Variants in NDST1 observed in about 807,000 individuals in gnomAD.
NDST1 encodes the protein N-deacetylase and N-sulfotransferase 1, also known as bifunctional heparan sulfate N-deacetylase/N-sulfotransferase 1.
A neutral mutation model predicts 92.8 loss-of-function variants in NDST1; 35 were observed. That is an observed-to-expected ratio of 0.38 (90% CI 0.29 to 0.50). The LOEUF is 0.50. Ranked by LOEUF, NDST1 falls within the 20% of genes least tolerant of loss-of-function variation. NDST1 has a pLI of 0.94. For synonymous variants in NDST1, 493 were observed against 500.3 expected (o/e 0.99, Z 0.19); for missense variants, 822 against 1,182.7 (o/e 0.69, Z 4.47).
intron 10 of NDST1, among the ~76,000 whole-genome samples, 168 bp downstream of exon 10, chr5:150,543,139 G>A (rs1357102923): frequency 6.6e-6 from 1 of 152,220 alleles, no homozygotes; most frequent in Non-Finnish European, 1.5e-5. Context: ...TGACAGCGTT[G>A]TCATAGACAG....
At position 150,558,009 on chromosome 5, in the gene NDST1, A is replaced by T. The variant is rs2151310828; in HGVS notation, c.*4677A>T. ...CCTGGGAGAGGAGAGGGCCGACTGG[A>T]GAGGGTGGGGGGCACACTGGGGAAG... On this transcript the variant is annotated 3_prime_UTR_variant, in exon 15 of 15. Transcript: ENST00000261797. 8.5e-6 allele frequency: 1 copy of T among 118,192 alleles called. No individual in the cohort carries two copies. The highest frequency in any genetic ancestry group is 2.8e-4 in the East Asian group (1 of 3,556). The allele number at this position is 118,192 out of a possible 1,614,324, so 7.3% of individuals were successfully genotyped here. A position where few individuals can be genotyped will look rare whatever the true frequency, so the allele number is the denominator to read the frequency against.
At chr5:150,539,203 C>T (rs776220373) in intron 6 of NDST1, 25 bp from the exon 7 acceptor site, 2 of 1,590,674 alleles carry the variant, frequency 1.3e-6, no homozygotes, top group South Asian at 1.1e-5. Flanking sequence ...GGCACCATAG[C>T]TCCTCTCCCC....
chr5:150,553,358 C>G lies in NDST1; in HGVS notation c.*26C>G, dbSNP rs776074315. 2 of 1,609,906 alleles carry G rather than the reference C, an allele frequency of 1.2e-6. No homozygotes were observed. The highest frequency in any genetic ancestry group is 1.7e-6 in the Non-Finnish European group (2 of 1,177,146). On this transcript the variant is annotated 3_prime_UTR_variant, in exon 15 of 15. Coordinates refer to ENST00000261797, the MANE Select transcript of NDST1 (RefSeq NM_001543.5). The surrounding 1 kb of genome is among the most constrained non-coding windows in gnomAD (Gnocchi z 4.2). ...CCGTGGCCACCACAGCCAGACTGAA[C>G]GTTTGTGAAAGCTGGGACATCCCAC...
At chr5:150,531,945 A>G (rs1009706003) in intron 3 of NDST1, among the ~76,000 whole-genome samples, 2 of 152,250 alleles carry the variant, frequency 1.3e-5, no homozygotes, top group African/African-American at 2.4e-5. Context: ...ATTGCTGGGC[A>G]CACAGTGTCC....
chr5:150,531,500 C>CTTTTTTTT lies in NDST1; in HGVS notation c.1009-1435_1009-1428dup, dbSNP rs35747232. Reference sequence around the variant, plus strand: ...ACAGGTTTCTTTTTTCTTTTTCTCTCTTTTTTTTTTTTTTTTTGAGATGGA... The same window carrying CTTTTTTTT: ...ACAGGTTTCTTTTTTCTTTTTCTCTCTTTTTTTTTTTTTTTTTTTTTTTTTGAGATGGA... On this transcript the variant is annotated intron_variant, in intron 3 of 14. Transcript: ENST00000261797. Among the ~76,000 whole-genome samples the CTTTTTTTT allele has an allele frequency of 2.9e-4, 38 of 131,124 alleles. No individual in the cohort carries two copies. The East Asian group carries it at 4.0e-3, about 14-fold the overall frequency. 86.0% of individuals were successfully genotyped at this position (131,124 alleles called of 152,430 possible). A position where few individuals can be genotyped will look rare whatever the true frequency, so the allele number is the denominator to read the frequency against.
chr5:150,528,353 C>T, intron 3 of NDST1, 55 bp downstream of exon 3: 1 of 1,538,278 alleles, frequency 6.5e-7, no homozygotes, highest in Non-Finnish European at 8.8e-7. Flanking sequence ...CAAGCTTCAG[C>T]CTTCAGGTGC....
chr5:150,535,645 G>A, intron 5 of NDST1, 55 bp from the exon 6 acceptor site: 1 of 1,597,296 alleles, frequency 6.3e-7, no homozygotes, highest in Non-Finnish European at 8.6e-7. Flanking sequence ...GGGGGGATAA[G>A]GCCCAAAGGG....
chr5:150,527,136 G>A (rs1754510551), intron 2 of NDST1, among the ~76,000 whole-genome samples: 1 of 152,244 alleles, frequency 6.6e-6, no homozygotes, highest in African/African-American at 2.4e-5. Context: ...ACGCCTAATG[G>A]TTAGGTGTGT....
rs1754548977 is a variant in NDST1, at chr5:150,528,035, A to G, written c.745A>G (p.Ile249Val). ...LLAKTRSSES[I>V]PHLGADAGLH... The stretch of plus-strand genomic sequence containing the variant: ...GGCCAAGACGCGCTCGTCTGAGTCC[A>G]TCCCACACCTGGGCGCAGACGCCGG... The change falls in exon 3 of 15, where the codon ATC (isoleucine) becomes GTC (valine). Residue 249 changes from isoleucine to valine, a missense_variant. Transcript: ENST00000261797. 6 of 1,613,586 alleles carry G rather than the reference A, an allele frequency of 3.7e-6. No individual in the cohort carries two copies. Among genetic ancestry groups the G allele is most frequent in the East Asian group, 2.2e-5 (1 of 44,906 alleles).
intron 10 of NDST1, among the ~76,000 whole-genome samples, chr5:150,543,560 C>A (rs1755342479): frequency 6.6e-6 from 1 of 152,240 alleles, no homozygotes; most frequent in African/African-American, 2.4e-5. Flanking sequence ...CTCTATTTGC[C>A]TTTTTTCTTT....
chr5:150,540,054 G>A, intron 7 of NDST1, 28 bp from the exon 8 acceptor site: 1 of 1,613,806 alleles, frequency 6.2e-7, no homozygotes, highest in Non-Finnish European at 8.5e-7. Context: ...GATGGGCCCT[G>A]CCTCTCTCCT....
In NDST1 at chr5:150,539,368, A is replaced by G; in HGVS notation, c.1566+12A>G. ...TGCTCCTCAATCCTGTGAGTGCTCCACAGCCCATGGCTGCTGGTGAGAAGG... is the reference window on the plus strand; with the variant it reads ...TGCTCCTCAATCCTGTGAGTGCTCCGCAGCCCATGGCTGCTGGTGAGAAGG... On this transcript the variant is annotated intron_variant, in intron 7 of 14. Transcript: ENST00000261797. 6.2e-7 allele frequency: 1 copy of G among 1,613,900 alleles called. No homozygotes were observed. Among genetic ancestry groups the G allele is most frequent in the Non-Finnish European group, 8.5e-7 (1 of 1,179,942 alleles).
chr5:150,555,167 C>T lies in NDST1; in HGVS notation c.*1835C>T, dbSNP rs1402293039. ...ATGCCACACTGCCTCTGAGCCCATCCTTGGGACCCTACTCTGTGCCAGGTT... is the reference window on the plus strand; with the variant it reads ...ATGCCACACTGCCTCTGAGCCCATCTTTGGGACCCTACTCTGTGCCAGGTT... On this transcript the variant is annotated 3_prime_UTR_variant, in exon 15 of 15. Coordinates refer to ENST00000261797, the MANE Select transcript of NDST1 (RefSeq NM_001543.5). 1.3e-5 allele frequency: 2 copies of T among 152,916 alleles called. No homozygotes were observed. The highest frequency in any genetic ancestry group is 6.5e-5 in the Admixed American group (1 of 15,286). 9.5% of individuals were successfully genotyped at this position (152,916 alleles called of 1,614,324 possible). A position where few individuals can be genotyped will look rare whatever the true frequency, so the allele number is the denominator to read the frequency against.
In NDST1 at chr5:150,555,777, T is replaced by A. The variant is rs1755856584; in HGVS notation, c.*2445T>A. The A allele has an allele frequency of 6.6e-6, 1 of 152,218 alleles. No individual in the cohort carries two copies. Among genetic ancestry groups the A allele is most frequent in the Non-Finnish European group, 1.5e-5 (1 of 68,054 alleles). 9.4% of individuals were successfully genotyped at this position (152,218 alleles called of 1,614,324 possible). A position where few individuals can be genotyped will look rare whatever the true frequency, so the allele number is the denominator to read the frequency against. On this transcript the variant is annotated 3_prime_UTR_variant, in exon 15 of 15. Coordinates refer to ENST00000261797, the MANE Select transcript of NDST1 (RefSeq NM_001543.5). Reference sequence around the variant, plus strand: ...AGGTGGGCTGGCCTAGGGCAGGAGCTCCACTTCTCTCTGCCTCTGGCTATG... The same window carrying A: ...AGGTGGGCTGGCCTAGGGCAGGAGCACCACTTCTCTCTGCCTCTGGCTATG...
upstream of NDST1, among the ~76,000 whole-genome samples, chr5:150,505,028 A>C (rs554671979): frequency 3.3e-5 from 5 of 152,358 alleles, no homozygotes; most frequent in South Asian, 1.0e-3. Flanking sequence ...GAAAGGGGGA[A>C]GAAATCCCTG....
In NDST1 at chr5:150,535,899, T is replaced by C. The variant is rs376536175; in HGVS notation, c.1437+14T>C. On this transcript the variant is annotated intron_variant, in intron 6 of 14. Coordinates refer to ENST00000261797, the MANE Select transcript of NDST1 (RefSeq NM_001543.5). ...AATGGCATCATGGTGAGTGGGCCCC[T>C]GGAAGCCCAGGAGGTGGGAGAATGG... 197 of 1,611,244 alleles carry C rather than the reference T, an allele frequency of 1.2e-4. 1 individual carries two copies. The African/African-American group carries it at 2.4e-3, about 20-fold the overall frequency.
Position 150,542,737 on chromosome 5 carries a change from A to G in NDST1, c.1847-111A>G, listed in dbSNP as rs1755300034. On this transcript the variant is annotated intron_variant, in intron 9 of 14. Transcript: ENST00000261797. ...AGAAGCTAAGACCAGAGAAAGGCAGAGACCTTCCCAGGAGCCCCCAGTGGG... is the reference window on the plus strand; with the variant it reads ...AGAAGCTAAGACCAGAGAAAGGCAGGGACCTTCCCAGGAGCCCCCAGTGGG... The G allele has an allele frequency of 2.9e-6, 4 of 1,392,580 alleles. No homozygotes were observed. The East Asian group carries it at 6.9e-5, about 24-fold the overall frequency. The allele number at this position is 1,392,580 out of a possible 1,614,324, so 86.3% of individuals were successfully genotyped here.
chr5:150,517,516 G>A (rs1754032783), intron 1 of NDST1, among the ~76,000 whole-genome samples: 1 of 151,986 alleles, frequency 6.6e-6, no homozygotes, highest in African/African-American at 2.4e-5. Flanking sequence ...GTTTACTTTC[G>A]GGTTCACCTC....
rs962087987 is a variant in NDST1, at chr5:150,556,515, T to A, written c.*3183T>A. ...TGGGAAAAGCAAATACAACAATGTT[T>A]TACCAAACATTTAATTATGAATGCC... On this transcript the variant is annotated 3_prime_UTR_variant, in exon 15 of 15. Coordinates refer to ENST00000261797, the MANE Select transcript of NDST1 (RefSeq NM_001543.5). The A allele has an allele frequency of 6.6e-6, 1 of 152,190 alleles. No homozygotes were observed. Among genetic ancestry groups the A allele is most frequent in the South Asian group, 2.1e-4 (1 of 4,824 alleles). 9.4% of individuals were successfully genotyped at this position (152,190 alleles called of 1,614,324 possible). A position where few individuals can be genotyped will look rare whatever the true frequency, so the allele number is the denominator to read the frequency against.
Sources: gnomAD v4.1 joint callset for allele counts (sites outside exome capture counted in the v4.1 genomes callset) on GRCh38, gnomAD v4.1.1 for gene constraint, Gnocchi (gnomAD v3.1) non-coding constraint, MANE v1.5 for transcripts, NCBI Gene and HGNC (gene_info 2026-07-23, HGNC 2026-07-21) for gene names.